The following SAMMSON variants were observed in gnomAD, a reference collection of about 807,000 sequenced individuals.
SAMMSON encodes survival associated mitochondrial melanoma specific oncogenic non-coding RNA.
At chr3:70,064,400 TTCTC>T (rs1422929768) in intron 3 of SAMMSON, among the ~76,000 whole-genome samples, 2 of 152,122 alleles carry the variant, frequency 1.3e-5, no homozygotes, top group African/African-American at 2.4e-5. Context: ...CAAGGGATCC[TTCTC>T]TCTCAAAGTC....
At chr3:70,251,277 C>G (rs1701765377) in intron 6 of SAMMSON, among the ~76,000 whole-genome samples, 1 of 152,154 alleles carries the variant, frequency 6.6e-6, no homozygotes, top group Admixed American at 6.5e-5. Flanking sequence ...TATCTGAGTT[C>G]TTAGAACTCA....
intron 2 of SAMMSON, among the ~76,000 whole-genome samples, chr3:70,427,069 A>G (rs932437506): frequency 6.6e-6 from 1 of 152,218 alleles, no homozygotes; most frequent in Non-Finnish European, 1.5e-5. Flanking sequence ...CATTCACTCA[A>G]TCTGCCCTCA....
At chr3:70,019,051 A>G (rs970567269) in intron 3 of SAMMSON, among the ~76,000 whole-genome samples, 1 of 152,156 alleles carries the variant, frequency 6.6e-6, no homozygotes, top group Non-Finnish European at 1.5e-5. Flanking sequence ...AGAAGAATGT[A>G]TATTCTGTTG....
chr3:70,304,817 A>T (rs938564280), intron 7 of SAMMSON, among the ~76,000 whole-genome samples: 7 of 152,164 alleles, frequency 4.6e-5, no homozygotes, highest in Non-Finnish European at 8.8e-5. Flanking sequence ...AGGCGAAAAA[A>T]ATATCCAGAT....
chr3:70,209,696 T>C (rs554751356), intron 4 of SAMMSON, among the ~76,000 whole-genome samples: 37 of 152,104 alleles, frequency 2.4e-4, no homozygotes, highest in Non-Finnish European at 4.0e-4. Context: ...TGCAATGTTT[T>C]CTCTGATTTA....
At chr3:70,241,153 G>A (rs190060669) in intron 4 of SAMMSON, among the ~76,000 whole-genome samples, 18 of 152,246 alleles carry the variant, frequency 1.2e-4, no homozygotes, top group African/African-American at 3.1e-4. Flanking sequence ...AAATTTATCA[G>A]TTCCTGGGAG....
intron 6 of SAMMSON, among the ~76,000 whole-genome samples, chr3:70,282,480 A>G (rs544249386): frequency 6.6e-6 from 1 of 152,306 alleles, no homozygotes; most frequent in Admixed American, 6.5e-5. Flanking sequence ...AAGGCCTGCT[A>G]TGATTGGGCC....
intron 3 of SAMMSON, among the ~76,000 whole-genome samples, chr3:70,052,393 C>G (rs2107589639): frequency 6.6e-6 from 1 of 152,188 alleles, no homozygotes; most frequent in African/African-American, 2.4e-5. Flanking sequence ...TCTTCTCTCC[C>G]CTGTTACCTC....
chr3:70,246,654 C>T (rs1701710375), intron 4 of SAMMSON, among the ~76,000 whole-genome samples: 1 of 152,066 alleles, frequency 6.6e-6, no homozygotes, highest in African/African-American at 2.4e-5. Flanking sequence ...CAACAACCTA[C>T]ATTTATATAG....
intron 9 of SAMMSON, among the ~76,000 whole-genome samples, chr3:70,368,323 T>A (rs932139276): frequency 1.3e-5 from 2 of 151,490 alleles, no homozygotes; most frequent in Non-Finnish European, 3.0e-5. Context: ...TTAAACCAAA[T>A]AATAGTAAAT....
intron 2 of SAMMSON, among the ~76,000 whole-genome samples, chr3:70,419,499 A>G (rs1211831011): frequency 1.3e-5 from 2 of 152,142 alleles, no homozygotes; most frequent in Admixed American, 6.6e-5. Context: ...AAGTTCTGTG[A>G]TTAGATATTT....
At chr3:70,269,752 T>G (rs932721567) in intron 6 of SAMMSON, among the ~76,000 whole-genome samples, 1 of 152,184 alleles carries the variant, frequency 6.6e-6, no homozygotes, top group Non-Finnish European at 1.5e-5. Flanking sequence ...CCTAGTCTAT[T>G]GAATGTTTAA....
intron 4 of SAMMSON, among the ~76,000 whole-genome samples, chr3:70,176,205 T>G (rs1264923632): frequency 2.0e-5 from 3 of 152,142 alleles, no homozygotes; most frequent in Admixed American, 2.0e-4. Context: ...ATGGAGGTAG[T>G]GCTGAGGACT....
At chr3:70,291,801 A>G (rs888327597) in intron 7 of SAMMSON, 3 of 152,204 alleles carry the variant, frequency 2.0e-5, no homozygotes, top group African/African-American at 4.8e-5. Context: ...TTTGAATAAT[A>G]CATTGTCTTT....
intron 4 of SAMMSON, chr3:70,206,760 T>C (rs1400892957): frequency 2.5e-6 from 1 of 397,658 alleles, no homozygotes; most frequent in Non-Finnish European, 4.4e-6. Flanking sequence ...GGGTTTCTCA[T>C]CTGCATGCTT....
chr3:70,246,840 A>G (rs1251042904), intron 4 of SAMMSON, among the ~76,000 whole-genome samples: 3 of 152,084 alleles, frequency 2.0e-5, no homozygotes, highest in Non-Finnish European at 1.5e-5. Flanking sequence ...CACCCTTAAA[A>G]CAACCCTACC....
intron 7 of SAMMSON, among the ~76,000 whole-genome samples, chr3:70,314,863 GCTTT>G (rs1436522614): frequency 6.6e-6 from 1 of 152,000 alleles, no homozygotes; most frequent in Non-Finnish European, 1.5e-5. Flanking sequence ...CATTTTGAAG[GCTTT>G]CTAAGGTTCT....
rs115071660 is a variant in SAMMSON, at chr3:70,412,467, A to G, written n.234-50093A>G. On this transcript the variant is annotated intron_variant and non_coding_transcript_variant, in intron 2 of 3. Coordinates refer to the SAMMSON transcript ENST00000641053. ...GTAAGTATGCAAAGTGATCAAGTCA[A>G]AAGAACAAAGAGTTGTCAGTTTACT... is the stretch of plus-strand genomic sequence containing the variant. 6.5e-3 allele frequency among the ~76,000 whole-genome samples: 990 copies of G among 152,334 alleles called. 12 individuals carry two copies. The highest frequency in any genetic ancestry group is 0.022 in the African/African-American group (899 of 41,580).
chr3:70,143,877 A>G (rs968228507), intron 4 of SAMMSON, among the ~76,000 whole-genome samples: 2 of 152,140 alleles, frequency 1.3e-5, no homozygotes, highest in African/African-American at 4.8e-5. Context: ...CTGCCAGGAC[A>G]GCATATGATA....
Sources: gnomAD v4.1 joint callset for allele counts (sites outside exome capture counted in the v4.1 genomes callset) on GRCh38, gnomAD v4.1.1 for gene constraint, MANE v1.5 for transcripts, NCBI Gene and HGNC (gene_info 2026-07-23, HGNC 2026-07-21) for gene names.